Variants in OR51B5 observed in about 807,000 individuals in gnomAD.
The protein encoded by OR51B5 is olfactory receptor 51B5.
For missense variants in OR51B5, 456 were observed against 374.6 expected, an observed-to-expected ratio of 1.22 and a Z score of -1.79; for synonymous variants, 186 against 144.8, an observed-to-expected ratio of 1.28 and a Z score of -2.04.
Position 5,351,274 on chromosome 11 carries a change from G to A in OR51B5, n.85-4364C>T, listed in dbSNP as rs77417737. Reference sequence around the variant, plus strand: ...CTGCATGAATAGCTGTATCCCCAACGTAGTATCCAATAATCTTACATAGAG... The same window carrying A: ...CTGCATGAATAGCTGTATCCCCAACATAGTATCCAATAATCTTACATAGAG... On this transcript the variant is annotated intron_variant and non_coding_transcript_variant, in intron 1 of 4. Coordinates refer to the OR51B5 transcript ENST00000415970. Among the ~76,000 whole-genome samples, 49 of 152,184 alleles carry A rather than the reference G, an allele frequency of 3.2e-4. No homozygotes were observed. In the East Asian group the frequency reaches 6.4e-3, roughly 20 times the overall value.
intron 1 of OR51B5, among the ~76,000 whole-genome samples, chr11:5,360,833 C>T (rs1374522458): frequency 6.6e-6 from 1 of 150,572 alleles, no homozygotes; most frequent in Non-Finnish European, 1.5e-5. Flanking sequence ...GAGTTCATGT[C>T]CTTTGTAGGG....
chr11:5,380,909 A>C (rs185326936), intron 1 of OR51B5, among the ~76,000 whole-genome samples: 7 of 152,124 alleles, frequency 4.6e-5, no homozygotes, highest in Non-Finnish European at 8.8e-5. Flanking sequence ...GTCAGAATTT[A>C]AGCCTATCCT....
intron 1 of OR51B5, among the ~76,000 whole-genome samples, chr11:5,410,975 A>G (rs1850140725): frequency 1.3e-5 from 2 of 152,236 alleles, no homozygotes; most frequent in Non-Finnish European, 2.9e-5. Flanking sequence ...AAGTTAAAGT[A>G]TATAAAGTAG....
intron 1 of OR51B5, among the ~76,000 whole-genome samples, chr11:5,461,037 G>A (rs1165920361): frequency 6.6e-6 from 1 of 152,194 alleles, no homozygotes; most frequent in Non-Finnish European, 1.5e-5. Flanking sequence ...CAGTAGTTGA[G>A]GGGGAGATTG....
intron 1 of OR51B5, among the ~76,000 whole-genome samples, chr11:5,350,533 T>G (rs1431910953): frequency 2.0e-5 from 3 of 152,162 alleles, no homozygotes; most frequent in South Asian, 2.1e-4. Flanking sequence ...ATCTTAGAAT[T>G]CTAATGAGTC....
In OR51B5 at chr11:5,374,623, C is replaced by G. The variant is rs569003398; in HGVS notation, n.85-27713G>C. 4.6e-5 allele frequency among the ~76,000 whole-genome samples: 7 copies of G among 152,156 alleles called. No homozygotes were observed. In the South Asian group the frequency reaches 1.2e-3, roughly 27 times the overall value. ...GAATGTATAACTAGAATAACCAATACAGAGAAGTGCTTAAAGGAGCTGATG... is the reference window on the plus strand; with the variant it reads ...GAATGTATAACTAGAATAACCAATAGAGAGAAGTGCTTAAAGGAGCTGATG... On this transcript the variant is annotated intron_variant and non_coding_transcript_variant, in intron 1 of 4. Coordinates refer to the OR51B5 transcript ENST00000415970.
At chr11:5,487,471 T>C (rs762505362) in intron 1 of OR51B5, among the ~76,000 whole-genome samples, 162 of 152,270 alleles carry the variant, frequency 1.1e-3, no homozygotes, top group Non-Finnish European at 1.9e-3. Context: ...AATCAGAGAA[T>C]GACTACATTC....
intron 1 of OR51B5, among the ~76,000 whole-genome samples, chr11:5,377,646 A>G (rs1849547910): frequency 6.6e-6 from 1 of 152,186 alleles, no homozygotes; most frequent in Admixed American, 6.5e-5. Context: ...CAAAAATCAC[A>G]AGCATTCTTA....
At chr11:5,452,301 G>A (rs1248945329) in intron 1 of OR51B5, among the ~76,000 whole-genome samples, 3 of 151,900 alleles carry the variant, frequency 2.0e-5, no homozygotes, top group Non-Finnish European at 2.9e-5. Flanking sequence ...TCAGGAGATC[G>A]AGATCATCCT....
intron 1 of OR51B5, among the ~76,000 whole-genome samples, chr11:5,360,416 A>C (rs1303774187): frequency 1.3e-5 from 2 of 151,658 alleles, no homozygotes; most frequent in African/African-American, 2.4e-5. Flanking sequence ...GCCATCAGAG[A>C]AATACAAATC....
intron 1 of OR51B5, among the ~76,000 whole-genome samples, chr11:5,478,507 T>C (rs1306747664): frequency 6.7e-6 from 1 of 149,520 alleles, no homozygotes; most frequent in Admixed American, 6.7e-5. Context: ...CAAAGCTGGA[T>C]GGAGAATGAC....
chr11:5,374,810 C>A (rs1383637662), intron 1 of OR51B5, among the ~76,000 whole-genome samples: 3 of 152,046 alleles, frequency 2.0e-5, no homozygotes, highest in African/African-American at 7.2e-5. Flanking sequence ...ATGAACAAAG[C>A]CTCCAAGAAA....
intron 1 of OR51B5, chr11:5,489,622 C>T (rs1351977623): frequency 2.5e-6 from 4 of 1,613,654 alleles, no homozygotes; most frequent in East Asian, 2.2e-5. Context: ...GATTCGGAGT[C>T]GACTTCTAAA....
At chr11:5,372,355 A>G (rs1431035762) in intron 1 of OR51B5, among the ~76,000 whole-genome samples, 3 of 152,148 alleles carry the variant, frequency 2.0e-5, no homozygotes, top group Admixed American at 2.0e-4. Context: ...TACGTTTTCT[A>G]TAATGGCTAT....
rs550136737 is a variant in OR51B5, at chr11:5,376,444, T to G, written n.85-29534A>C. Among the ~76,000 whole-genome samples, 51 of 150,794 alleles carry G rather than the reference T, an allele frequency of 3.4e-4. 1 individual carries two copies. The highest frequency in any genetic ancestry group is 1.2e-3 in the East Asian group (6 of 5,132). On this transcript the variant is annotated intron_variant and non_coding_transcript_variant, in intron 1 of 4. Coordinates refer to the OR51B5 transcript ENST00000415970. Reference sequence around the variant, plus strand: ...AAACACATTCAAAAGCTAGCAGAAGTCAAGAAATAACTAAAATCAGAGCAG... The same window carrying G: ...AAACACATTCAAAAGCTAGCAGAAGGCAAGAAATAACTAAAATCAGAGCAG...
At chr11:5,486,260 A>G (rs914222074) in intron 1 of OR51B5, among the ~76,000 whole-genome samples, 1 of 152,232 alleles carries the variant, frequency 6.6e-6, no homozygotes, top group Admixed American at 6.5e-5. Context: ...TTATTTTTTC[A>G]AAGTCCTTAT....
intron 1 of OR51B5, among the ~76,000 whole-genome samples, chr11:5,465,607 G>C (rs12790341): frequency 0.31 from 44,787 of 143,752 alleles, 7,497 homozygotes; most frequent in Non-Finnish European, 0.36. Flanking sequence ...TACCAAAACA[G>C]AGATATAGAT....
chr11:5,363,234 C>CTT (rs1849312528), intron 1 of OR51B5, among the ~76,000 whole-genome samples: 1 of 63,560 alleles, frequency 1.6e-5, no homozygotes, highest in South Asian at 5.5e-4. Context: ...CGAACCCAAC[C>CTT]CCTCACACAC....
intron 1 of OR51B5, among the ~76,000 whole-genome samples, chr11:5,359,753 G>C (rs112269296): frequency 0.35 from 50,728 of 143,490 alleles, 10,522 homozygotes; most frequent in Non-Finnish European, 0.38. Context: ...ATACTACAAG[G>C]CTACAGTAAC....
Sources: gnomAD v4.1 joint callset for allele counts (sites outside exome capture counted in the v4.1 genomes callset) on GRCh38, gnomAD v4.1.1 for gene constraint, MANE v1.5 for transcripts, NCBI Gene and HGNC (gene_info 2026-07-23, HGNC 2026-07-21) for gene names.